HTRA3: variants seen among roughly 807,000 people sequenced by gnomAD.
HTRA3 encodes HtrA serine peptidase 3.
HTRA3 carries 41 observed loss-of-function variants against 43.2 expected under a neutral mutation model. The ratio of observed to expected loss-of-function variants is 0.95; its 90% CI spans 0.74 to 1.23. HTRA3 has a LOEUF of 1.23. HTRA3 is among the 50% of genes most tolerant of loss of function. The probability of loss-of-function intolerance (pLI) is 0.00; values close to 1 mark genes in which losing one functional copy is unlikely to be tolerated. For missense variants in HTRA3, 628 were observed against 647.1 expected (o/e 0.97, Z 0.32); for synonymous variants, 295 against 287.9 (o/e 1.02, Z -0.25).
At chr4:8,275,566 G>A (rs919750724) in intron 1 of HTRA3, among the ~76,000 whole-genome samples, 6 of 152,214 alleles carry the variant, frequency 3.9e-5, no homozygotes, top group African/African-American at 1.4e-4. Flanking sequence ...GGGCTTTCTG[G>A]AGATGGGGGC....
At position 8,291,447 on chromosome 4, in the gene HTRA3, C is replaced by T; in HGVS notation, c.786C>T (p.Pro262=). 6.2e-7 allele frequency: 1 copy of T among 1,613,206 alleles called. No individual in the cohort carries two copies. The highest frequency in any genetic ancestry group is 8.5e-7 in the Non-Finnish European group (1 of 1,180,014). The change falls in exon 4 of 9, where the codon CCC becomes CCT. Residue 262 remains proline (P), a synonymous_variant. Transcript: ENST00000307358. ...PGEFVVAIGS[P]FALQNTVTTG... Reference sequence around the variant, plus strand: ...AGTTTGTGGTGGCCATCGGCAGTCCCTTCGCCCTACAGAACACAGTGACAA... The same window carrying T: ...AGTTTGTGGTGGCCATCGGCAGTCCTTTCGCCCTACAGAACACAGTGACAA...
At chr4:8,304,646 T>TG (rs1713772172) in intron 8 of HTRA3, among the ~76,000 whole-genome samples, 1 of 28,816 alleles carries the variant, frequency 3.5e-5, no homozygotes, top group African/African-American at 9.2e-5. Flanking sequence ...GCCTATTGTT[T>TG]TTTTTTTTTT....
Position 8,279,462 on chromosome 4 carries a change from A to G in HTRA3, c.386-2975A>G, listed in dbSNP as rs1712654417. On this transcript the variant is annotated intron_variant, in intron 1 of 8. Transcript: ENST00000307358. This position sits in a 1 kb window ranked among gnomAD's most constrained non-coding sequence, Gnocchi z 7.4. ...CGGTGGAGGCCGCAGTGCTGTGCAG[A>G]TCTTCAGGCTGCCGCGTCAGAGCTC... is the stretch of plus-strand genomic sequence containing the variant. Among the ~76,000 whole-genome samples the G allele has an allele frequency of 1.3e-5, 2 of 152,184 alleles. No individual in the cohort carries two copies. Among genetic ancestry groups the G allele is most frequent in the South Asian group, 4.1e-4 (2 of 4,830 alleles).
intron 7 of HTRA3, among the ~76,000 whole-genome samples, chr4:8,303,789 C>CAGCATTGTCTGTCCGTTCCGTGACTA (rs1312232924): frequency 6.6e-6 from 1 of 151,942 alleles, no homozygotes; most frequent in African/African-American, 2.4e-5. Context: ...TTCCGTGACT[C>CAGCATTGTCTGTCCGTTCCGTGACTA]AGCATTGTCT....
At chr4:8,275,019 C>A (rs4077991) in intron 1 of HTRA3, among the ~76,000 whole-genome samples, 31,836 of 152,122 alleles carry the variant, frequency 0.21, 3,540 homozygotes, top group South Asian at 0.31. Context: ...GGCAAGATGA[C>A]GCCTCCCCTC....
intron 8 of HTRA3, 30 bp downstream of exon 8, chr4:8,304,309 G>T (rs1442689902): frequency 1.3e-6 from 2 of 1,580,502 alleles, no homozygotes; most frequent in Admixed American, 1.7e-5. Flanking sequence ...ATCGCTCGAG[G>T]CATGGGGCAG....
At position 8,293,790 on chromosome 4, in the gene HTRA3, GC is replaced by G. The variant is rs1430260853; in HGVS notation, c.937-294del. Among the ~76,000 whole-genome samples, 4 of 152,250 alleles carry G rather than the reference GC, an allele frequency of 2.6e-5. No homozygotes were observed. The South Asian group carries it at 8.3e-4, about 32-fold the overall frequency. ...CAAACATGGCTTGGCGGTGTCCTTGGCCCAGTGGCCGTGCTTCTTAGAGGCA... is the reference window on the plus strand; with the variant it reads ...CAAACATGGCTTGGCGGTGTCCTTGGCCAGTGGCCGTGCTTCTTAGAGGCA... On this transcript the variant is annotated intron_variant, in intron 5 of 8. Coordinates refer to ENST00000307358, the MANE Select transcript of HTRA3 (RefSeq NM_053044.5).
At chr4:8,270,580 G>T (rs891308364) in intron 1 of HTRA3, among the ~76,000 whole-genome samples, 3 of 152,220 alleles carry the variant, frequency 2.0e-5, no homozygotes, top group Non-Finnish European at 4.4e-5. Context: ...AAACCCGGTG[G>T]TCTCCTGGCC....
intron 1 of HTRA3, among the ~76,000 whole-genome samples, chr4:8,281,057 A>C (rs1231241946): frequency 6.6e-6 from 1 of 152,146 alleles, no homozygotes; most frequent in Non-Finnish European, 1.5e-5. Context: ...ACAGAGCCTC[A>C]GTGTCCCCAC....
intron 3 of HTRA3, among the ~76,000 whole-genome samples, chr4:8,289,176 G>A (rs7664627): frequency 6.6e-6 from 1 of 151,488 alleles, no homozygotes; most frequent in Non-Finnish European, 1.5e-5. Flanking sequence ...TCTAGAACTC[G>A]TGGGCTCAAG....
Position 8,306,359 on chromosome 4 carries a change from C to T in HTRA3, c.*223C>T. 1 of 498,852 alleles carries T rather than the reference C, an allele frequency of 2.0e-6. No individual in the cohort carries two copies. The highest frequency in any genetic ancestry group is 3.5e-6 in the Non-Finnish European group (1 of 283,272). 30.9% of individuals were successfully genotyped at this position (498,852 alleles called of 1,614,324 possible). A position where few individuals can be genotyped will look rare whatever the true frequency, so the allele number is the denominator to read the frequency against. On this transcript the variant is annotated 3_prime_UTR_variant, in exon 9 of 9. Coordinates refer to ENST00000307358, the MANE Select transcript of HTRA3 (RefSeq NM_053044.5). The surrounding 1 kb of genome is among the most constrained non-coding windows in gnomAD (Gnocchi z 8.9). ...GCCGGGGAGGGAAGCCCAACATCCC[C>T]TTGTACAGATGATCCTGAAAGTCAC...
At position 8,270,213 on chromosome 4, in the gene HTRA3, G is replaced by T. The variant is rs1005688613; in HGVS notation, c.245G>T (p.Arg82Leu). 2 of 1,534,960 alleles carry T rather than the reference G, an allele frequency of 1.3e-6. No individual in the cohort carries two copies. The highest frequency in any genetic ancestry group is 1.9e-5 in the Admixed American group (1 of 51,682). ...CTGGAGTGCGTGCGCGGCCTATGCC[G>T]CTGCCGCTGGTCGCACGCCGTGTGT... ...ESLECVRGLCRCRWSHAVCGT... is the reference protein window; with the variant it reads ...ESLECVRGLCLCRWSHAVCGT... Residue 82 changes from arginine (R) to leucine (L), a missense_variant, in exon 1 of 9, where the codon CGC (arginine) becomes CTC (leucine). Arg to Leu is a moderately radical substitution (Grantham distance 102). Coordinates refer to ENST00000307358, the MANE Select transcript of HTRA3 (RefSeq NM_053044.5).
At position 8,295,603 on chromosome 4, in the gene HTRA3, T is replaced by C; in HGVS notation, c.1051+1402T>C. 1.1e-6 allele frequency: 1 copy of C among 934,158 alleles called. No individual in the cohort carries two copies. Among genetic ancestry groups the C allele is most frequent in the Non-Finnish European group, 1.4e-6 (1 of 692,806 alleles). The allele number at this position is 934,158 out of a possible 1,614,324, so 57.9% of individuals were successfully genotyped here. ...TCAGCCCTAGTGAGCTTCTCCCTCCTGCCATTGTGTCTCCTGTGCCCACCT... is the reference window on the plus strand; with the variant it reads ...TCAGCCCTAGTGAGCTTCTCCCTCCCGCCATTGTGTCTCCTGTGCCCACCT... On this transcript the variant is annotated intron_variant, in intron 6 of 8. Coordinates refer to ENST00000307358, the MANE Select transcript of HTRA3 (RefSeq NM_053044.5). This position sits in a 1 kb window ranked among gnomAD's most constrained non-coding sequence, Gnocchi z 6.9.
chr4:8,270,011 G>C lies in HTRA3; in HGVS notation c.43G>C (p.Ala15Pro). ...GCTCCTGGCCGCGTTGGCCGCGCTGGCGCTGGCCCGGGAGCCCCCTGCGGC... is the reference window on the plus strand; with the variant it reads ...GCTCCTGGCCGCGTTGGCCGCGCTGCCGCTGGCCCGGGAGCCCCCTGCGGC... Reference protein sequence around the residue: ...ALLLAALAALALAREPPAAPC... With the variant: ...ALLLAALAALPLAREPPAAPC... The change falls in exon 1 of 9, where the codon GCG (alanine) becomes CCG (proline). Residue 15 changes from alanine to proline, a missense_variant. Transcript: ENST00000307358. 1 of 1,295,514 alleles carries C rather than the reference G, an allele frequency of 7.7e-7. No individual in the cohort carries two copies. The highest frequency in any genetic ancestry group is 1.6e-5 in the African/African-American group (1 of 64,268). 80.3% of individuals were successfully genotyped at this position (1,295,514 alleles called of 1,614,324 possible). A position where few individuals can be genotyped will look rare whatever the true frequency, so the allele number is the denominator to read the frequency against.
At chr4:8,271,489 G>A (rs753026102) in intron 1 of HTRA3, among the ~76,000 whole-genome samples, 8 of 152,312 alleles carry the variant, frequency 5.3e-5, no homozygotes, top group African/African-American at 9.6e-5. Context: ...AGCATCATTC[G>A]AGATTAGCTA....
In HTRA3 at chr4:8,281,519, G is replaced by A. The variant is rs554873863; in HGVS notation, c.386-918G>A. ...CAGAGAACGTAAGTAATCTGTCTGA[G>A]GCCACACAGCTAGAAAGCAGCCAGG... On this transcript the variant is annotated intron_variant, in intron 1 of 8. Coordinates refer to ENST00000307358, the MANE Select transcript of HTRA3 (RefSeq NM_053044.5). Among the ~76,000 whole-genome samples, 338 of 152,350 alleles carry A rather than the reference G, an allele frequency of 2.2e-3. 2 individuals carry two copies. The highest frequency in any genetic ancestry group is 1.7e-3 in the Non-Finnish European group (116 of 68,030).
chr4:8,275,161 C>T (rs907012563), intron 1 of HTRA3, among the ~76,000 whole-genome samples: 2 of 152,224 alleles, frequency 1.3e-5, no homozygotes, highest in African/African-American at 2.4e-5. Flanking sequence ...AGGAGTCCAG[C>T]CGGACTGGAG....
chr4:8,305,246 C>T (rs918455524), intron 8 of HTRA3, among the ~76,000 whole-genome samples: 4 of 152,240 alleles, frequency 2.6e-5, no homozygotes, highest in Non-Finnish European at 4.4e-5. Context: ...TGGGAGGCCC[C>T]GCGTGAACTT....
At chr4:8,298,519 GT>G (rs35628356) in intron 6 of HTRA3, among the ~76,000 whole-genome samples, 3,665 of 148,968 alleles carry the variant, frequency 0.025, 56 homozygotes, top group South Asian at 0.056. Context: ...GATGAAGTCT[GT>G]TTTTTTTTTT....
Sources: allele counts gnomAD v4.1 joint callset (sites outside exome capture counted in the v4.1 genomes callset), GRCh38; gene constraint gnomAD v4.1.1; non-coding constraint Gnocchi (gnomAD v3.1); transcripts MANE v1.5; gene names NCBI Gene and HGNC (gene_info 2026-07-23, HGNC 2026-07-21).